GSR: variants seen among roughly 807,000 people sequenced by gnomAD.
The protein encoded by GSR is glutathione reductase, mitochondrial.
Under a neutral mutation model 56.5 loss-of-function variants are expected in GSR, and 48 were observed. That is an observed-to-expected ratio of 0.85 (90% CI 0.67 to 1.08). The LOEUF (loss-of-function observed/expected upper bound fraction) is 1.08, where lower values mean the gene tolerates loss of function less well. Ranked by LOEUF, GSR falls within the 50% of genes least tolerant of loss-of-function variation. GSR has a pLI of 0.00. For missense variants in GSR, 694 were observed against 703.3 expected, an observed-to-expected ratio of 0.99 and a Z score of 0.15; for synonymous variants, 264 against 270.8, an observed-to-expected ratio of 0.97 and a Z score of 0.25.
chr8:30,698,880 C>A (rs1173710984), intron 6 of GSR, among the ~76,000 whole-genome samples: 6 of 152,150 alleles, frequency 3.9e-5, no homozygotes, highest in Admixed American at 3.9e-4. Context: ...TGTTTCCAGG[C>A]ATCACCTCTT....
At chr8:30,693,164 C>T (rs1280251738) in intron 7 of GSR, 109 bp from the exon 8 acceptor site, 1 of 736,576 alleles carries the variant, frequency 1.4e-6, no homozygotes, top group Admixed American at 2.0e-5. Flanking sequence ...TAATTATTTC[C>T]TCCTTACTTA....
In GSR at chr8:30,703,122, G is replaced by A. The variant is rs750031574; in HGVS notation, c.611C>T (p.Pro204Leu). ...GATCTGGCTCTCATGAGGGGTGGAGGGCATACCACCTGTGGCGATCAGGAT... is the reference window on the plus strand; with the variant it reads ...GATCTGGCTCTCATGAGGGGTGGAGAGCATACCACCTGTGGCGATCAGGAT... The part of the protein sequence containing the change: ...PHILIATGGM[P>L]STPHESQIPG... Residue 204 changes from proline (P) to leucine (L), a missense_variant, in exon 5 of 13, where the codon CCC becomes CTC. By Grantham distance (98) the Pro-to-Leu change is moderately conservative. Transcript: ENST00000221130. 15 of 1,613,894 alleles carry A rather than the reference G, an allele frequency of 9.3e-6. No individual in the cohort carries two copies. Among genetic ancestry groups the A allele is most frequent in the African/African-American group, 4.0e-5 (3 of 74,886 alleles).
At chr8:30,710,961 T>C (rs1306140069) in intron 2 of GSR, among the ~76,000 whole-genome samples, 1 of 151,970 alleles carries the variant, frequency 6.6e-6, no homozygotes, top group African/African-American at 2.4e-5. Context: ...AACCACCTTA[T>C]AATTAATTTA....
At chr8:30,709,277 A>G (rs1451788281) in intron 3 of GSR, among the ~76,000 whole-genome samples, 1 of 152,184 alleles carries the variant, frequency 6.6e-6, no homozygotes, top group Non-Finnish European at 1.5e-5. Flanking sequence ...AAGTGGGAGG[A>G]TAGCTTGAGC....
intron 4 of GSR, among the ~76,000 whole-genome samples, chr8:30,705,836 T>C (rs900299923): frequency 6.6e-6 from 1 of 152,210 alleles, no homozygotes; most frequent in Non-Finnish European, 1.5e-5. Context: ...CTGCAGGCCT[T>C]TAAATATTTT....
chr8:30,680,892 A>G lies in GSR; in HGVS notation c.1419+12T>C. ...TGCAAGGCACTATTTAGTTTGCTGGATTTTTCCTTACCTTTTCTTCCTTGT... is the reference window on the plus strand; with the variant it reads ...TGCAAGGCACTATTTAGTTTGCTGGGTTTTTCCTTACCTTTTCTTCCTTGT... On this transcript the variant is annotated intron_variant, in intron 12 of 12. Transcript: ENST00000221130. 8.1e-6 allele frequency: 13 copies of G among 1,612,678 alleles called. No homozygotes were observed. Among genetic ancestry groups the G allele is most frequent in the Non-Finnish European group, 1.1e-5 (13 of 1,179,626 alleles).
At chr8:30,725,848 C>T (rs1011458513) in intron 1 of GSR, among the ~76,000 whole-genome samples, 6 of 147,662 alleles carry the variant, frequency 4.1e-5, no homozygotes, top group Non-Finnish European at 8.9e-5. Flanking sequence ...CACCACTGTA[C>T]TCCAGCCTGG....
intron 3 of GSR, among the ~76,000 whole-genome samples, chr8:30,708,552 T>C (rs1366478505): frequency 6.6e-6 from 1 of 152,178 alleles, no homozygotes; most frequent in African/African-American, 2.4e-5. Context: ...AAAACTACCA[T>C]ACGATTCGGC....
At chr8:30,713,986 G>A (rs1461835310) in intron 1 of GSR, among the ~76,000 whole-genome samples, 1 of 152,110 alleles carries the variant, frequency 6.6e-6, no homozygotes, top group African/African-American at 2.4e-5. Flanking sequence ...AAAAGGGCAA[G>A]GTAGATTTCT....
At chr8:30,709,751 G>T in intron 3 of GSR, 63 bp downstream of exon 3, 4 of 914,536 alleles carry the variant, frequency 4.4e-6, no homozygotes, top group Admixed American at 1.8e-5. Flanking sequence ...AAAGTTTATG[G>T]CTCAGTTATA....
At chr8:30,704,384 G>A (rs545633777) in intron 4 of GSR, among the ~76,000 whole-genome samples, 7 of 152,272 alleles carry the variant, frequency 4.6e-5, no homozygotes, top group Admixed American at 4.6e-4. Flanking sequence ...CAGGATAATG[G>A]TGAAATGAAC....
chr8:30,700,723 C>CAAAAAAAAAAAAAAAAAAAAAAAA (rs55702917), intron 5 of GSR, among the ~76,000 whole-genome samples: 1 of 80,044 alleles, frequency 1.2e-5, no homozygotes, highest in African/African-American at 4.5e-5. Context: ...ATTTTGTCTC[C>CAAAAAAAAAAAAAAAAAAAAAAAA]AAAAAAAAAA....
chr8:30,693,119 A>G, intron 7 of GSR, 64 bp from the exon 8 acceptor site: 1 of 982,974 alleles, frequency 1.0e-6, no homozygotes, highest in South Asian at 1.3e-5. Flanking sequence ...ACACACCACA[A>G]ACTTGGGAGG....
intron 6 of GSR, among the ~76,000 whole-genome samples, chr8:30,696,979 G>GT (rs1339847289): frequency 6.6e-6 from 1 of 151,924 alleles, no homozygotes; most frequent in Non-Finnish European, 1.5e-5. Flanking sequence ...CATTACAGGT[G>GT]TAAGCTACCT....
chr8:30,696,753 T>C (rs1340728758), intron 6 of GSR, among the ~76,000 whole-genome samples: 1 of 152,166 alleles, frequency 6.6e-6, no homozygotes, highest in African/African-American at 2.4e-5. Flanking sequence ...TGGAGTGTAG[T>C]GGTGTGAACA....
chr8:30,704,285 AC>A (rs1412156527), intron 4 of GSR, among the ~76,000 whole-genome samples: 1 of 152,142 alleles, frequency 6.6e-6, no homozygotes, highest in African/African-American at 2.4e-5. Context: ...AGATTACGCC[AC>A]TGCACTCCAT....
chr8:30,709,399 A>C (rs145954402), intron 3 of GSR, among the ~76,000 whole-genome samples: 2 of 152,294 alleles, frequency 1.3e-5, no homozygotes, highest in African/African-American at 4.8e-5. Context: ...GTTCTGATAC[A>C]TACTACAACA....
In GSR at chr8:30,689,156, C is replaced by G; in HGVS notation, c.1041+5G>C. 1 of 1,613,708 alleles carries G rather than the reference C, an allele frequency of 6.2e-7. No homozygotes were observed. The highest frequency in any genetic ancestry group is 8.5e-7 in the Non-Finnish European group (1 of 1,179,786). ...AAATGTTTCGGGCAGACCAAGCCAG[C>G]TTACCAGTTTGTTTAAACTCAGGTC... On this transcript the variant is annotated splice_donor_5th_base_variant and intron_variant, in intron 9 of 12. Transcript: ENST00000221130.
chr8:30,715,229 G>A (rs1451396073), intron 1 of GSR, among the ~76,000 whole-genome samples: 2 of 152,102 alleles, frequency 1.3e-5, no homozygotes, highest in Non-Finnish European at 2.9e-5. Context: ...GGAGTTGAAG[G>A]CTACAATAAG....
Sources: allele counts gnomAD v4.1 joint callset (sites outside exome capture counted in the v4.1 genomes callset), GRCh38; gene constraint gnomAD v4.1.1; transcripts MANE v1.5; gene names NCBI Gene and HGNC (gene_info 2026-07-23, HGNC 2026-07-21).